Variants in TTC23L observed in about 807,000 individuals in gnomAD.
The protein encoded by TTC23L is tetratricopeptide repeat protein 23-like.
A neutral mutation model predicts 48.1 loss-of-function variants in TTC23L; 42 were observed. That is an observed-to-expected ratio of 0.87 (90% CI 0.68 to 1.13). The LOEUF (loss-of-function observed/expected upper bound fraction) is 1.13, where lower values mean the gene tolerates loss of function less well. Ranked by LOEUF, TTC23L falls within the 50% of genes most tolerant of loss-of-function variation. The pLI, the probability that TTC23L is intolerant of heterozygous loss-of-function variation, is 0.00. For synonymous variants in TTC23L, 159 were observed against 157.2 expected (o/e 1.01, Z -0.09); for missense variants, 391 against 421.0 (o/e 0.93, Z 0.62).
intron 9 of TTC23L, among the ~76,000 whole-genome samples, chr5:34,886,648 C>T (rs2111743464): frequency 6.6e-6 from 1 of 152,228 alleles, no homozygotes; most frequent in South Asian, 2.1e-4. Context: ...ATGTATTTTC[C>T]CTTCCCTTCC....
At chr5:34,893,755 A>AAAGG (rs1763023499) in intron 9 of TTC23L, among the ~76,000 whole-genome samples, 1 of 152,102 alleles carries the variant, frequency 6.6e-6, no homozygotes, top group African/African-American at 2.4e-5. Flanking sequence ...GAGGAACTGA[A>AAAGG]AAGGAGTCTC....
intron 4 of TTC23L, among the ~76,000 whole-genome samples, chr5:34,854,298 GT>G (rs1759940056): frequency 6.6e-6 from 1 of 152,166 alleles, no homozygotes; most frequent in South Asian, 2.1e-4. Context: ...TGTCCACATG[GT>G]ATAGTGGAGC....
intron 4 of TTC23L, among the ~76,000 whole-genome samples, chr5:34,862,507 G>A (rs1378960400): frequency 6.6e-6 from 1 of 152,134 alleles, no homozygotes; most frequent in African/African-American, 2.4e-5. Flanking sequence ...GAAGCGTTGT[G>A]GGTTGAAAAG....
downstream of TTC23L, chr5:34,899,547 A>C (rs1377562633): frequency 6.6e-6 from 1 of 152,612 alleles, no homozygotes; most frequent in Non-Finnish European, 1.5e-5. Context: ...TGGGAAAAAA[A>C]GGTCCACTTA....
intron 6 of TTC23L, 32 bp from the exon 7 acceptor site, chr5:34,866,860 G>T: frequency 6.5e-7 from 1 of 1,540,274 alleles, no homozygotes; most frequent in Non-Finnish European, 8.8e-7. Context: ...TGGCCTCTCT[G>T]TGACTTTCTA....
chr5:34,899,117 T>C (rs1763406523), intron 10 of TTC23L, among the ~76,000 whole-genome samples: 1 of 152,164 alleles, frequency 6.6e-6, no homozygotes, highest in Non-Finnish European at 1.5e-5. Flanking sequence ...CAAATATCCC[T>C]GGTTTGCCAT....
chr5:34,915,990 A>G, the TTC23L span: 1 of 1,393,966 alleles, frequency 7.2e-7, no homozygotes, highest in East Asian at 2.7e-5. Context: ...GCTTAATTTC[A>G]GAGTAGCCCG....
At chr5:34,915,286 C>T in the TTC23L span, 1 of 279,480 alleles carries the variant, frequency 3.6e-6, no homozygotes, top group African/African-American at 2.2e-5. Flanking sequence ...TCCAACAAAA[C>T]AGGCGATGGC....
At chr5:34,893,336 T>C (rs1212820853) in intron 9 of TTC23L, among the ~76,000 whole-genome samples, 1 of 152,192 alleles carries the variant, frequency 6.6e-6, no homozygotes, top group Admixed American at 6.5e-5. Context: ...ACTTTGGATA[T>C]GTTTGCAATA....
intron 9 of TTC23L, among the ~76,000 whole-genome samples, chr5:34,894,916 G>GA (rs58615552): frequency 2.6e-5 from 4 of 151,130 alleles, no homozygotes; most frequent in Admixed American, 1.3e-4. Context: ...TGATGATGAT[G>GA]TTAATGGTGA....
intron 8 of TTC23L, among the ~76,000 whole-genome samples, chr5:34,878,781 C>T (rs756074816): frequency 1.2e-4 from 18 of 152,104 alleles, no homozygotes; most frequent in Admixed American, 7.2e-4. Flanking sequence ...GAAAACAGTA[C>T]GGAGATTTCT....
intron 3 of TTC23L, 142 bp downstream of exon 3, chr5:34,845,815 G>A (rs746547921): frequency 5.3e-5 from 46 of 870,916 alleles, no homozygotes; most frequent in Non-Finnish European, 7.8e-5. Flanking sequence ...AAACAAAGCA[G>A]AGCCTACTTA....
At chr5:34,866,836 G>A (rs1761082030) in intron 6 of TTC23L, 56 bp from the exon 7 acceptor site, 2 of 1,463,016 alleles carry the variant, frequency 1.4e-6, no homozygotes, top group African/African-American at 2.8e-5. Context: ...TTCCTTTTGT[G>A]TCTGCAAAGT....
At chr5:34,847,239 G>A (rs566016949) in intron 3 of TTC23L, among the ~76,000 whole-genome samples, 1 of 152,250 alleles carries the variant, frequency 6.6e-6, no homozygotes, top group African/African-American at 2.4e-5. Context: ...AGTCATCCTG[G>A]CCTGGACCCA....
intron 10 of TTC23L, 92 bp downstream of exon 10, chr5:34,896,967 G>C: frequency 3.7e-6 from 2 of 543,804 alleles, no homozygotes; most frequent in East Asian, 5.6e-5. Flanking sequence ...AGTTCTCTGG[G>C]GGAGGAAGAA....
At chr5:34,893,403 G>T (rs1270103525) in intron 9 of TTC23L, among the ~76,000 whole-genome samples, 1 of 152,184 alleles carries the variant, frequency 6.6e-6, no homozygotes, top group Non-Finnish European at 1.5e-5. Flanking sequence ...TGGGCCAGGA[G>T]CTCAAAGAAA....
chr5:34,893,705 G>GTAA (rs1392195857), intron 9 of TTC23L, among the ~76,000 whole-genome samples: 1 of 152,076 alleles, frequency 6.6e-6, no homozygotes, highest in Non-Finnish European at 1.5e-5. Context: ...GTTAATTATT[G>GTAA]TAATTATCAT....
intron 9 of TTC23L, among the ~76,000 whole-genome samples, chr5:34,893,636 G>C (rs1480714024): frequency 6.6e-6 from 1 of 152,178 alleles, no homozygotes; most frequent in Non-Finnish European, 1.5e-5. Context: ...CACAGAAATA[G>C]AGCACTTCAT....
At chr5:34,852,826 G>T (rs1168456480) in intron 4 of TTC23L, among the ~76,000 whole-genome samples, 1 of 152,158 alleles carries the variant, frequency 6.6e-6, no homozygotes, top group Admixed American at 6.5e-5. Context: ...TGGATTCACA[G>T]TTTCATGTGG....
Sources: gnomAD v4.1 joint callset for allele counts (sites outside exome capture counted in the v4.1 genomes callset) on GRCh38, gnomAD v4.1.1 for gene constraint, MANE v1.5 for transcripts, NCBI Gene and HGNC (gene_info 2026-07-23, HGNC 2026-07-21) for gene names.